TFAP2D: variants seen among roughly 807,000 people sequenced by gnomAD.
TFAP2D encodes transcription factor AP-2 delta, also known as transcription factor AP-2-delta.
In TFAP2D, 9 loss-of-function variants were observed where a neutral mutation model predicts 43.6. That is an observed-to-expected ratio of 0.21 (90% CI 0.12 to 0.36). The LOEUF (loss-of-function observed/expected upper bound fraction) is 0.36. Ranked by LOEUF, TFAP2D falls within the 10% of genes least tolerant of loss-of-function variation. The pLI, the probability that TFAP2D is intolerant of heterozygous loss-of-function variation, is 1.00. For missense variants in TFAP2D, 513 were observed against 561.4 expected, an observed-to-expected ratio of 0.91 and a Z score of 0.87; for synonymous variants, 256 against 224.9, an observed-to-expected ratio of 1.14 and a Z score of -1.24.
At chr6:50,759,675 G>T (rs1691699500) in intron 7 of TFAP2D, among the ~76,000 whole-genome samples, 1 of 151,936 alleles carries the variant, frequency 6.6e-6, no homozygotes, top group Non-Finnish European at 1.5e-5. Flanking sequence ...AAAAATTATG[G>T]TGCAGGCATC....
At chr6:50,724,309 T>C (rs1437748317) in intron 3 of TFAP2D, among the ~76,000 whole-genome samples, 1 of 152,160 alleles carries the variant, frequency 6.6e-6, no homozygotes, top group Admixed American at 6.5e-5. Context: ...TCACTGGAGA[T>C]GAAGAAGGGG....
intron 6 of TFAP2D, among the ~76,000 whole-genome samples, chr6:50,748,564 G>A (rs1372028306): frequency 6.6e-6 from 1 of 151,784 alleles, no homozygotes; most frequent in Non-Finnish European, 1.5e-5. Context: ...AGTGTCATTA[G>A]TCTTCTCATG....
In TFAP2D at chr6:50,751,334, G is replaced by A; in HGVS notation, c.1139+10G>A. 1 of 1,586,234 alleles carries A rather than the reference G, an allele frequency of 6.3e-7. No individual in the cohort carries two copies. The highest frequency in any genetic ancestry group is 8.7e-7 in the Non-Finnish European group (1 of 1,155,966). On this transcript the variant is annotated intron_variant, in intron 7 of 7. Transcript: ENST00000008391. The stretch of plus-strand genomic sequence containing the variant: ...ATTTAACACATTTCAGGTAAGACTG[G>A]TTTTCCAGTTTGCTCAAATTCTTTA...
In TFAP2D at chr6:50,715,308, T is replaced by A. The variant is rs200673328; in HGVS notation, c.232T>A (p.Phe78Ile). The change falls in exon 2 of 8, where the codon TTT (phenylalanine) becomes ATT (isoleucine). Residue 78 changes from phenylalanine to isoleucine, a missense_variant. By Grantham distance (21) the Phe-to-Ile change is conservative (BLOSUM62 0). Around this residue, in one of 3 missense-constraint regions of TFAP2D, gnomAD observed 311 missense variants for 316.2 expected, o/e 0.98. Transcript: ENST00000008391. ...CCACCACCAGTCCTTCCATTACGAGTTTCAGCACAGCCACCCGGCCGTCAC... is the reference window on the plus strand; with the variant it reads ...CCACCACCAGTCCTTCCATTACGAGATTCAGCACAGCCACCCGGCCGTCAC... ...PLHHQSFHYEFQHSHPAVTPD... is the reference protein window; with the variant it reads ...PLHHQSFHYEIQHSHPAVTPD... 27 of 1,612,826 alleles carry A rather than the reference T, an allele frequency of 1.7e-5. No individual in the cohort carries two copies. The East Asian group carries it at 5.8e-4, about 35-fold the overall frequency.
intron 3 of TFAP2D, 32 bp from the exon 4 acceptor site, chr6:50,728,824 A>G (rs768270973): frequency 6.2e-7 from 1 of 1,608,464 alleles, no homozygotes; most frequent in South Asian, 1.1e-5. Context: ...TTTCACTGTC[A>G]CTAACATGTT....
At position 50,751,338 on chromosome 6, in the gene TFAP2D, T is replaced by C. The variant is rs767418649; in HGVS notation, c.1139+14T>C. On this transcript the variant is annotated intron_variant, in intron 7 of 7. Coordinates refer to ENST00000008391, the MANE Select transcript of TFAP2D (RefSeq NM_172238.4). ...AACACATTTCAGGTAAGACTGGTTTTCCAGTTTGCTCAAATTCTTTACTAA... is the reference window on the plus strand; with the variant it reads ...AACACATTTCAGGTAAGACTGGTTTCCCAGTTTGCTCAAATTCTTTACTAA... 4.5e-6 allele frequency: 7 copies of C among 1,570,678 alleles called. No individual in the cohort carries two copies. Among genetic ancestry groups the C allele is most frequent in the Non-Finnish European group, 6.1e-6 (7 of 1,141,684 alleles).
intron 7 of TFAP2D, among the ~76,000 whole-genome samples, chr6:50,771,704 T>C (rs887312361): frequency 1.3e-5 from 2 of 152,188 alleles, no homozygotes; most frequent in Non-Finnish European, 2.9e-5. Context: ...AGATACCATC[T>C]CACACCACTT....
At chr6:50,737,438 A>G (rs926676254) in intron 5 of TFAP2D, among the ~76,000 whole-genome samples, 1 of 152,176 alleles carries the variant, frequency 6.6e-6, no homozygotes, top group African/African-American at 2.4e-5. Context: ...GCAAAGAGTA[A>G]TTTTACTTTT....
chr6:50,762,038 T>C (rs546640005), intron 7 of TFAP2D, among the ~76,000 whole-genome samples: 1 of 152,152 alleles, frequency 6.6e-6, no homozygotes, highest in South Asian at 2.1e-4. Context: ...GTATAAACAC[T>C]GTCCAAGTTA....
At chr6:50,727,610 G>T (rs1272228136) in intron 3 of TFAP2D, among the ~76,000 whole-genome samples, 1 of 152,128 alleles carries the variant, frequency 6.6e-6, no homozygotes, top group Admixed American at 6.6e-5. Flanking sequence ...AAATATTTTA[G>T]ACAACACTCT....
At chr6:50,757,321 T>G (rs930239065) in intron 7 of TFAP2D, among the ~76,000 whole-genome samples, 5 of 139,332 alleles carry the variant, frequency 3.6e-5, no homozygotes, top group African/African-American at 1.1e-4. Context: ...CTATATTCTC[T>G]ATAGATATAT....
At chr6:50,745,799 G>A (rs923779028) in intron 6 of TFAP2D, among the ~76,000 whole-genome samples, 2 of 151,548 alleles carry the variant, frequency 1.3e-5, no homozygotes, top group South Asian at 2.1e-4. Context: ...TTTTTTTAAG[G>A]TATAATGTAT....
chr6:50,745,799 G>T (rs923779028), intron 6 of TFAP2D, among the ~76,000 whole-genome samples: 2 of 151,548 alleles, frequency 1.3e-5, no homozygotes, highest in Admixed American at 6.6e-5. Flanking sequence ...TTTTTTTAAG[G>T]TATAATGTAT....
chr6:50,745,913 C>G (rs768463194), intron 6 of TFAP2D, among the ~76,000 whole-genome samples: 1 of 152,066 alleles, frequency 6.6e-6, no homozygotes, highest in Non-Finnish European at 1.5e-5. Flanking sequence ...AAGGGGGAAG[C>G]TTGCATAAGA....
At chr6:50,755,642 A>G (rs1031891493) in intron 7 of TFAP2D, among the ~76,000 whole-genome samples, 13 of 151,948 alleles carry the variant, frequency 8.6e-5, no homozygotes, top group African/African-American at 3.1e-4. Flanking sequence ...ATTCCTTTTT[A>G]AAGTGTTACT....
chr6:50,736,970 T>C (rs549475474), intron 5 of TFAP2D, among the ~76,000 whole-genome samples: 1 of 152,278 alleles, frequency 6.6e-6, no homozygotes, highest in Non-Finnish European at 1.5e-5. Context: ...TATTCCTTTT[T>C]TTGTTTTTTG....
intron 5 of TFAP2D, among the ~76,000 whole-genome samples, chr6:50,734,815 G>A (rs960267069): frequency 6.6e-6 from 1 of 152,012 alleles, no homozygotes; most frequent in Non-Finnish European, 1.5e-5. Flanking sequence ...AAATTTTATG[G>A]TCTGGCACCC....
At chr6:50,757,806 TTA>T (rs1554157142) in intron 7 of TFAP2D, among the ~76,000 whole-genome samples, 3 of 103,676 alleles carry the variant, frequency 2.9e-5, no homozygotes, top group South Asian at 5.7e-4. Context: ...ATATATATAA[TTA>T]TATATATAGA....
At chr6:50,720,582 A>G (rs1229169800) in intron 3 of TFAP2D, among the ~76,000 whole-genome samples, 1 of 151,994 alleles carries the variant, frequency 6.6e-6, no homozygotes, top group African/African-American at 2.4e-5. Context: ...AATGAGGAAT[A>G]TTAAGCTTGC....
Sources: gnomAD v4.1 joint callset for allele counts (sites outside exome capture counted in the v4.1 genomes callset) on GRCh38, gnomAD v4.1.1 for gene constraint, gnomAD v4.1.1 regional missense constraint, MANE v1.5 for transcripts, NCBI Gene and HGNC (gene_info 2026-07-23, HGNC 2026-07-21) for gene names.